Variants in CARMIL1 observed in about 807,000 individuals in gnomAD.
CARMIL1 encodes F-actin-uncapping protein LRRC16A.
Under a neutral mutation model 177.1 loss-of-function variants are expected in CARMIL1, and 90 were observed. That is an observed-to-expected ratio of 0.51 (90% CI 0.43 to 0.61). CARMIL1 has a LOEUF of 0.61. Among genes scored for constraint, CARMIL1 ranks in the 20% least tolerant of loss-of-function variants. The pLI, the probability that CARMIL1 is intolerant of heterozygous loss-of-function variation, is 0.00. For synonymous variants in CARMIL1, 577 were observed against 606.2 expected, an observed-to-expected ratio of 0.95 and a Z score of 0.71; for missense variants, 1,380 against 1,667.0, an observed-to-expected ratio of 0.83 and a Z score of 3.00.
At chr6:25,308,074 A>T (rs1181496345) in intron 2 of CARMIL1, among the ~76,000 whole-genome samples, 1 of 152,248 alleles carries the variant, frequency 6.6e-6, no homozygotes, top group Non-Finnish European at 1.5e-5. Context: ...ATTAGGCTAC[A>T]TATTTCACAT....
At chr6:25,456,490 C>T (rs902987721) in intron 8 of CARMIL1, among the ~76,000 whole-genome samples, 4 of 152,036 alleles carry the variant, frequency 2.6e-5, no homozygotes, top group Non-Finnish European at 5.9e-5. Context: ...GTCCAGTTGG[C>T]ATTTTATTTA....
At chr6:25,495,046 T>C (rs1045904593) in intron 15 of CARMIL1, 65 bp from the exon 16 acceptor site, 49 of 889,026 alleles carry the variant, frequency 5.5e-5, no homozygotes, top group African/African-American at 8.4e-5. Context: ...TCACAGTGTC[T>C]GAATAATCAA....
intron 2 of CARMIL1, among the ~76,000 whole-genome samples, chr6:25,394,372 T>G (rs1192298364): frequency 6.6e-6 from 1 of 152,212 alleles, no homozygotes; most frequent in East Asian, 1.9e-4. Context: ...AAGAGGAAAC[T>G]GAGACACAGA....
chr6:25,324,252 C>A (rs1046755881), intron 2 of CARMIL1, among the ~76,000 whole-genome samples: 3 of 152,132 alleles, frequency 2.0e-5, no homozygotes, highest in Non-Finnish European at 2.9e-5. Context: ...GCTGCAGTCA[C>A]TTCACTTACA....
At chr6:25,373,543 G>A (rs190507528) in intron 2 of CARMIL1, among the ~76,000 whole-genome samples, 6 of 149,402 alleles carry the variant, frequency 4.0e-5, no homozygotes, top group East Asian at 3.9e-4. Flanking sequence ...ATGATCTTTT[G>A]TATTTCTTTT....
chr6:25,516,406 C>T (rs530265039), intron 21 of CARMIL1, among the ~76,000 whole-genome samples: 1 of 152,298 alleles, frequency 6.6e-6, no homozygotes, highest in African/African-American at 2.4e-5. Context: ...TTGTTGCCAT[C>T]CATCATTCAG....
intron 2 of CARMIL1, among the ~76,000 whole-genome samples, chr6:25,313,516 G>C (rs1472777812): frequency 2.0e-5 from 3 of 151,942 alleles, no homozygotes; most frequent in Non-Finnish European, 4.4e-5. Context: ...GGGGGGATGA[G>C]AGCACTGAGC....
At chr6:25,438,603 T>A (rs1797440194) in intron 5 of CARMIL1, among the ~76,000 whole-genome samples, 1 of 152,218 alleles carries the variant, frequency 6.6e-6, no homozygotes, top group Non-Finnish European at 1.5e-5. Flanking sequence ...ATGCTATTTC[T>A]CTTGCCTAGA....
At chr6:25,452,263 C>T in intron 8 of CARMIL1, 2 of 761,808 alleles carry the variant, frequency 2.6e-6, no homozygotes, top group Non-Finnish European at 4.8e-6. Flanking sequence ...TCTCCTTCTT[C>T]CTATAAGTGA....
At chr6:25,340,777 G>GTTTTTTGT (rs1554167803) in intron 2 of CARMIL1, among the ~76,000 whole-genome samples, 4 of 86,136 alleles carry the variant, frequency 4.6e-5, no homozygotes, top group African/African-American at 1.6e-4. Flanking sequence ...GTCAATGAAG[G>GTTTTTTGT]TTTTTTTTTT....
At chr6:25,378,240 T>C (rs1181855920) in intron 2 of CARMIL1, among the ~76,000 whole-genome samples, 2 of 152,170 alleles carry the variant, frequency 1.3e-5, no homozygotes, top group Non-Finnish European at 2.9e-5. Context: ...ATAGCCACAG[T>C]GTACCACTAG....
intron 2 of CARMIL1, among the ~76,000 whole-genome samples, chr6:25,417,746 T>G (rs900397082): frequency 1.3e-5 from 2 of 152,212 alleles, no homozygotes; most frequent in African/African-American, 4.8e-5. Context: ...TAAGGACCTT[T>G]TGAACTCTGA....
chr6:25,475,544 A>G (rs949901999), intron 11 of CARMIL1, among the ~76,000 whole-genome samples: 2 of 152,242 alleles, frequency 1.3e-5, no homozygotes, highest in Non-Finnish European at 2.9e-5. Context: ...TATAATAGTC[A>G]AAAAGTAGAA....
intron 36 of CARMIL1, among the ~76,000 whole-genome samples, chr6:25,613,254 T>C (rs949763341): frequency 1.3e-5 from 2 of 152,228 alleles, no homozygotes; most frequent in Non-Finnish European, 2.9e-5. Context: ...GGATCAGAGA[T>C]TCTTAGAATG....
chr6:25,605,020 A>T, intron 34 of CARMIL1, 127 bp downstream of exon 34: 1 of 709,016 alleles, frequency 1.4e-6, no homozygotes. Flanking sequence ...GTGTGTTCTC[A>T]GCTATCATCT....
intron 5 of CARMIL1, among the ~76,000 whole-genome samples, chr6:25,441,124 CA>C (rs1160648763): frequency 6.6e-6 from 1 of 151,872 alleles, no homozygotes; most frequent in Non-Finnish European, 1.5e-5. Flanking sequence ...ACAGCCTGGG[CA>C]ACATAGTGAG....
intron 29 of CARMIL1, among the ~76,000 whole-genome samples, chr6:25,561,619 C>T (rs1393345350): frequency 6.6e-6 from 1 of 152,092 alleles, no homozygotes; most frequent in African/African-American, 2.4e-5. Context: ...GACTAAAATT[C>T]AGCAAAAGTC....
chr6:25,492,462 C>G (rs1046831383), intron 15 of CARMIL1, among the ~76,000 whole-genome samples: 1 of 152,162 alleles, frequency 6.6e-6, no homozygotes. Flanking sequence ...CTTATACACT[C>G]CTGACTTTAA....
At chr6:25,383,545 G>C (rs779810334) in intron 2 of CARMIL1, 1 of 152,028 alleles carries the variant, frequency 6.6e-6, no homozygotes, top group Non-Finnish European at 1.5e-5. Context: ...ACCTTGATTT[G>C]CTTTTTGTGT....
Sources: gnomAD v4.1 joint callset for allele counts (sites outside exome capture counted in the v4.1 genomes callset) on GRCh38, gnomAD v4.1.1 for gene constraint, MANE v1.5 for transcripts, NCBI Gene and HGNC (gene_info 2026-07-23, HGNC 2026-07-21) for gene names.